Variants in MYO16 observed in about 807,000 individuals in gnomAD.
The protein encoded by MYO16 is myosin XVI.
MYO16 carries 94 observed loss-of-function variants against 205.3 expected under a neutral mutation model. The ratio of observed to expected loss-of-function variants is 0.46; its 90% CI spans 0.39 to 0.54. The LOEUF (loss-of-function observed/expected upper bound fraction) is 0.54. Ranked by LOEUF, MYO16 falls within the 20% of genes least tolerant of loss-of-function variation. The pLI, the probability that MYO16 is intolerant of heterozygous loss-of-function variation, is 0.00. For missense variants in MYO16, 2,315 were observed against 2,387.5 expected (o/e 0.97, Z 0.63); for synonymous variants, 988 against 954.0 (o/e 1.04, Z -0.66).
At chr13:108,579,293 T>G in the MYO16 span, among the ~76,000 whole-genome samples, 1 of 152,158 alleles carries the variant, frequency 6.6e-6, no homozygotes, top group Non-Finnish European at 1.5e-5. Flanking sequence ...CCTCAGTAAC[T>G]AAATGAAAAG....
chr13:109,147,685 T>TGG (rs982489681), intron 32 of MYO16, among the ~76,000 whole-genome samples: 11 of 152,088 alleles, frequency 7.2e-5, no homozygotes, highest in Non-Finnish European at 1.6e-4. Flanking sequence ...TGTGGGGAGT[T>TGG]GGGGGTGGGA....
chr13:108,835,905 C>G (rs1876890134), intron 9 of MYO16, among the ~76,000 whole-genome samples: 1 of 152,150 alleles, frequency 6.6e-6, no homozygotes, highest in Admixed American at 6.5e-5. Context: ...GGAAAATTTG[C>G]AGCCTGATGA....
chr13:108,693,604 A>G (rs1467847824), intron 2 of MYO16, among the ~76,000 whole-genome samples: 1 of 152,202 alleles, frequency 6.6e-6, no homozygotes, highest in Non-Finnish European at 1.5e-5. Flanking sequence ...CATAGATATA[A>G]AAAACTTGGT....
intron 20 of MYO16, among the ~76,000 whole-genome samples, chr13:108,980,764 G>C (rs900048052): frequency 1.3e-5 from 2 of 152,212 alleles, no homozygotes; most frequent in Non-Finnish European, 2.9e-5. Flanking sequence ...ATGTGTGGAG[G>C]TGTGAGAAGT....
At chr13:109,204,035 G>GA (rs1398957075) in intron 34 of MYO16, among the ~76,000 whole-genome samples, 1 of 152,132 alleles carries the variant, frequency 6.6e-6, no homozygotes, top group African/African-American at 2.4e-5. Flanking sequence ...TCCCCGGGAG[G>GA]AAAAAAGCAG....
At chr13:108,706,460 C>T (rs771290852) in intron 2 of MYO16, among the ~76,000 whole-genome samples, 2 of 152,004 alleles carry the variant, frequency 1.3e-5, no homozygotes, top group Admixed American at 1.3e-4. Flanking sequence ...AATGGTAATT[C>T]GGTTTTCAGA....
intron 20 of MYO16, among the ~76,000 whole-genome samples, chr13:108,976,701 T>C (rs561712690): frequency 2.0e-5 from 3 of 152,198 alleles, no homozygotes; most frequent in Non-Finnish European, 4.4e-5. Flanking sequence ...TATAGAATAA[T>C]AACATTTCCT....
At chr13:109,059,411 G>A (rs879897775) in intron 27 of MYO16, among the ~76,000 whole-genome samples, 6 of 152,166 alleles carry the variant, frequency 3.9e-5, no homozygotes, top group Admixed American at 6.5e-5. Context: ...CAGTTTTTGG[G>A]TGACCAGGTG....
chr13:108,599,737 C>A (rs1215245287), intron 1 of MYO16, among the ~76,000 whole-genome samples: 4 of 152,160 alleles, frequency 2.6e-5, no homozygotes, highest in Admixed American at 2.0e-4. Flanking sequence ...TTCCTTTTGG[C>A]TCTAAATTAC....
At chr13:108,657,966 A>G (rs1241853465) in intron 1 of MYO16, among the ~76,000 whole-genome samples, 2 of 152,108 alleles carry the variant, frequency 1.3e-5, no homozygotes, top group Non-Finnish European at 2.9e-5. Flanking sequence ...CTATACATTC[A>G]TGGGTTCATT....
chr13:108,742,449 G>A (rs556850580), intron 4 of MYO16, among the ~76,000 whole-genome samples: 201 of 151,956 alleles, frequency 1.3e-3, no homozygotes, highest in African/African-American at 4.7e-3. Context: ...TATAAAATTT[G>A]TCCACTAAGA....
chr13:108,708,798 G>A (rs1207767702), intron 2 of MYO16, among the ~76,000 whole-genome samples: 4 of 152,148 alleles, frequency 2.6e-5, no homozygotes, highest in African/African-American at 9.7e-5. Context: ...TGGCAATACA[G>A]TATCTAGAAA....
rs1284490525 is a variant in MYO16 at position 108,964,745 on chromosome 13, C to T, written c.2228-16C>T. ...AACCCTTGTGCTCACTCCTCCTTTT[C>T]TTTCTACCATTTTAGGGGATATGAT... On this transcript the variant is annotated splice_polypyrimidine_tract_variant and intron_variant, in intron 19 of 34. Transcript: ENST00000457511. The T allele has an allele frequency of 6.2e-7, 1 of 1,613,044 alleles. No individual in the cohort carries two copies. Among genetic ancestry groups the T allele is most frequent in the Admixed American group, 1.7e-5 (1 of 59,860 alleles).
intron 6 of MYO16, among the ~76,000 whole-genome samples, chr13:108,795,310 G>A (rs1046638632): frequency 6.6e-6 from 1 of 151,848 alleles, no homozygotes; most frequent in Non-Finnish European, 1.5e-5. Context: ...TCGTGTCCAA[G>A]TGATTTTCCT....
intron 9 of MYO16, among the ~76,000 whole-genome samples, chr13:108,826,798 G>A (rs1423460257): frequency 6.6e-6 from 1 of 152,022 alleles, no homozygotes; most frequent in Non-Finnish European, 1.5e-5. Context: ...TTATTTATCA[G>A]GAAAAGCCAA....
intron 4 of MYO16, among the ~76,000 whole-genome samples, chr13:108,735,777 T>A (rs1884675880): frequency 1.3e-5 from 2 of 151,678 alleles, no homozygotes; most frequent in Non-Finnish European, 2.9e-5. Flanking sequence ...AAAATGTTCC[T>A]ATTTCTCCAC....
chr13:109,068,534 A>C (rs1444034605), intron 27 of MYO16, among the ~76,000 whole-genome samples: 1 of 151,712 alleles, frequency 6.6e-6, no homozygotes, highest in African/African-American at 2.4e-5. Flanking sequence ...TCTCATCTTC[A>C]TGAGCACACC....
intron 16 of MYO16, among the ~76,000 whole-genome samples, chr13:108,927,169 A>G (rs1865746113): frequency 6.6e-6 from 1 of 152,224 alleles, no homozygotes; most frequent in Non-Finnish European, 1.5e-5. Context: ...AGCACAGGAA[A>G]AAACACACTT....
chr13:108,869,713 A>T (rs1243768417), intron 12 of MYO16, among the ~76,000 whole-genome samples: 1 of 138,824 alleles, frequency 7.2e-6, no homozygotes, highest in Non-Finnish European at 1.5e-5. Flanking sequence ...CCTGGGCGAC[A>T]GAGCGAGACT....
Sources: allele counts gnomAD v4.1 joint callset (sites outside exome capture counted in the v4.1 genomes callset), GRCh38; gene constraint gnomAD v4.1.1; transcripts MANE v1.5; gene names NCBI Gene and HGNC (gene_info 2026-07-23, HGNC 2026-07-21).